Variants in LARP4 observed in about 807,000 individuals in gnomAD.
LARP4 encodes la-related protein 4.
Under a neutral mutation model 92.9 loss-of-function variants are expected in LARP4, and 29 were observed. The observed-to-expected ratio is 0.31, with a 90% confidence interval of 0.23 to 0.43. The LOEUF (loss-of-function observed/expected upper bound fraction) is 0.43, where lower values mean the gene tolerates loss of function less well. Among genes scored for constraint, LARP4 ranks in the 20% least tolerant of loss-of-function variants. The pLI, the probability that LARP4 is intolerant of heterozygous loss-of-function variation, is 1.00. For missense variants in LARP4, 732 were observed against 860.0 expected (o/e 0.85, Z 1.86); for synonymous variants, 279 against 284.1 (o/e 0.98, Z 0.18).
intron 10 of LARP4, among the ~76,000 whole-genome samples, chr12:50,457,886 A>G (rs933407065): frequency 1.1e-4 from 17 of 151,622 alleles, no homozygotes; most frequent in Non-Finnish European, 1.9e-4. Context: ...AGTTTGTAAT[A>G]TAAAGTAATT....
chr12:50,406,384 A>G (rs192199782), intron 1 of LARP4, among the ~76,000 whole-genome samples: 1 of 150,310 alleles, frequency 6.7e-6, no homozygotes, highest in East Asian at 2.0e-4. Flanking sequence ...GCTACACTTG[A>G]GGTGGGAGGA....
rs918105523 is a variant in LARP4, at chr12:50,454,294, A to G, written c.1018-20A>G. ...TTTACCTTTGCCATTAATATTGTTT[A>G]AACATACATTTTTTTCTAGGCTCCC... On this transcript the variant is annotated intron_variant, in intron 9 of 15. Transcript: ENST00000398473. 1.9e-6 allele frequency: 3 copies of G among 1,574,356 alleles called. No individual in the cohort carries two copies. The highest frequency in any genetic ancestry group is 3.3e-4 in the Middle Eastern group (2 of 5,976).
chr12:50,440,586 A>G (rs778184263), intron 7 of LARP4, 37 bp downstream of exon 7: 22 of 1,388,762 alleles, frequency 1.6e-5, no homozygotes, highest in Non-Finnish European at 1.9e-5. Context: ...AGTCCATCCT[A>G]GTGGCAAAAT....
At chr12:50,416,777 GA>G (rs1194470037) in intron 1 of LARP4, among the ~76,000 whole-genome samples, 2 of 151,886 alleles carry the variant, frequency 1.3e-5, no homozygotes, top group East Asian at 3.9e-4. Flanking sequence ...CTGAAATCAA[GA>G]CCAGCCTGCA....
intron 1 of LARP4, chr12:50,420,669 AG>A (rs1169487124): frequency 2.0e-5 from 3 of 152,202 alleles, no homozygotes; most frequent in African/African-American, 7.2e-5. Context: ...AGTGCCTGAA[AG>A]GGGTTATATG....
Position 50,457,180 on chromosome 12 carries a change from G to GCATGAGC in LARP4, c.1121+2766_1121+2772dup, listed in dbSNP as rs201437117. Among the ~76,000 whole-genome samples, 1,071 of 149,768 alleles carry GCATGAGC rather than the reference G, an allele frequency of 7.2e-3. 15 individuals carry two copies. Among genetic ancestry groups the GCATGAGC allele is most frequent in the African/African-American group, 0.024 (989 of 40,470 alleles). ...GCCTCCCAAAGTCCTGGGATTACAGGCATGAGCCACCATACCCGGCCTTTT... is the reference window on the plus strand; with the variant it reads ...GCCTCCCAAAGTCCTGGGATTACAGGCATGAGCCATGAGCCACCATACCCGGCCTTTT... On this transcript the variant is annotated intron_variant, in intron 10 of 15. Transcript: ENST00000398473.
Position 50,476,074 on chromosome 12 carries a change from A to AT in LARP4, c.*210_*211insT. On this transcript the variant is annotated 3_prime_UTR_variant, in exon 16 of 16. Coordinates refer to ENST00000398473, the MANE Select transcript of LARP4 (RefSeq NM_052879.5). ...AATGCTGGAGGATTCCAATCAATAT[A>AT]AATATATATATATATATACACACAC... 3.1e-6 allele frequency: 1 copy of AT among 325,406 alleles called. No homozygotes were observed. Among genetic ancestry groups the AT allele is most frequent in the Non-Finnish European group, 5.7e-6 (1 of 174,576 alleles). 20.2% of individuals were successfully genotyped at this position (325,406 alleles called of 1,614,324 possible).
chr12:50,419,418 T>C (rs1295844385), intron 1 of LARP4, among the ~76,000 whole-genome samples: 2 of 152,058 alleles, frequency 1.3e-5, no homozygotes, highest in African/African-American at 4.8e-5. Flanking sequence ...CTGACAGTTT[T>C]AGCCTTGGCT....
chr12:50,404,116 AC>A (rs1216730793), intron 1 of LARP4, among the ~76,000 whole-genome samples: 1 of 152,066 alleles, frequency 6.6e-6, no homozygotes, highest in Non-Finnish European at 1.5e-5. Flanking sequence ...AATCCTAGCT[AC>A]TCGGGAGGCT....
At chr12:50,413,911 A>G (rs185996533) in intron 1 of LARP4, among the ~76,000 whole-genome samples, 1 of 152,316 alleles carries the variant, frequency 6.6e-6, no homozygotes, top group Non-Finnish European at 1.5e-5. Context: ...TTTATAGATG[A>G]ACTACAGTTC....
rs2139249446 is a variant in LARP4, at chr12:50,475,913, A to C, written c.*49A>C. 2 of 1,515,014 alleles carry C rather than the reference A, an allele frequency of 1.3e-6. No individual in the cohort carries two copies. Among genetic ancestry groups the C allele is most frequent in the South Asian group, 2.4e-5 (2 of 85,088 alleles). The allele number at this position is 1,515,014 out of a possible 1,614,324, so 93.8% of individuals were successfully genotyped here. ...CTTCACTCTCTTCCCATTAAACTTGAACTGTGGCTATATTGAACTGTTTTG... is the reference window on the plus strand; with the variant it reads ...CTTCACTCTCTTCCCATTAAACTTGCACTGTGGCTATATTGAACTGTTTTG... On this transcript the variant is annotated 3_prime_UTR_variant, in exon 16 of 16. Transcript: ENST00000398473.
At chr12:50,459,765 A>G (rs991228253) in intron 10 of LARP4, among the ~76,000 whole-genome samples, 3 of 145,818 alleles carry the variant, frequency 2.1e-5, no homozygotes, top group Non-Finnish European at 3.0e-5. Context: ...CGGAGGTTGC[A>G]GTGACCTGAG....
intron 10 of LARP4, among the ~76,000 whole-genome samples, chr12:50,458,219 A>G (rs1954683399): frequency 6.6e-6 from 1 of 151,984 alleles, no homozygotes; most frequent in Non-Finnish European, 1.5e-5. Context: ...GGTTACAGAT[A>G]TGAGCCACTG....
chr12:50,450,535 C>G (rs1387221191), intron 8 of LARP4, among the ~76,000 whole-genome samples: 1 of 152,092 alleles, frequency 6.6e-6, no homozygotes, highest in Non-Finnish European at 1.5e-5. Context: ...TTTCTTCTGC[C>G]TCATGTCTGT....
chr12:50,469,666 T>G (rs1956672652), intron 13 of LARP4, among the ~76,000 whole-genome samples: 2 of 148,384 alleles, frequency 1.3e-5, no homozygotes, highest in Admixed American at 1.4e-4. Flanking sequence ...ATCCCCGCAC[T>G]TTGGGAGCCT....
chr12:50,425,843 C>A (rs1948621949), intron 1 of LARP4, among the ~76,000 whole-genome samples: 1 of 152,136 alleles, frequency 6.6e-6, no homozygotes, highest in African/African-American at 2.4e-5. Context: ...TCAGCAGAGG[C>A]AGGGAGAAAT....
At chr12:50,469,302 A>G (rs887509955) in intron 13 of LARP4, among the ~76,000 whole-genome samples, 1 of 152,104 alleles carries the variant, frequency 6.6e-6, no homozygotes, top group Non-Finnish European at 1.5e-5. Flanking sequence ...TCAGACTAAA[A>G]ATTATTTTTT....
At position 50,407,214 on chromosome 12, in the gene LARP4, C is replaced by T. The variant is rs148348787; in HGVS notation, c.18+6186C>T. On this transcript the variant is annotated intron_variant, in intron 1 of 15. Transcript: ENST00000398473. ...CTATTTTTTGTATTTTTAGTAGAGA[C>T]GGAGTTTCACCATATTGGTCAGGCT... is the stretch of plus-strand genomic sequence containing the variant. Among the ~76,000 whole-genome samples, 141 of 151,864 alleles carry T rather than the reference C, an allele frequency of 9.3e-4. 1 individual carries two copies. The East Asian group carries it at 0.026, about 28-fold the overall frequency.
chr12:50,402,506 G>A (rs1944055095), intron 1 of LARP4, among the ~76,000 whole-genome samples: 1 of 152,066 alleles, frequency 6.6e-6, no homozygotes, highest in African/African-American at 2.4e-5. Context: ...GTTTTGCTGG[G>A]CAGAAGAAAG....
Sources: allele counts gnomAD v4.1 joint callset (sites outside exome capture counted in the v4.1 genomes callset), GRCh38; gene constraint gnomAD v4.1.1; transcripts MANE v1.5; gene names NCBI Gene and HGNC (gene_info 2026-07-23, HGNC 2026-07-21).